MARCHF6: variants seen among roughly 807,000 people sequenced by gnomAD.
The protein encoded by MARCHF6 is membrane associated ring-CH-type finger 6, also known as E3 ubiquitin-protein ligase MARCHF6.
In MARCHF6, 31 loss-of-function variants were observed where a neutral mutation model predicts 133.7. That is an observed-to-expected ratio of 0.23 (90% CI 0.17 to 0.31). MARCHF6 has a LOEUF of 0.31. Among genes scored for constraint, MARCHF6 ranks in the 10% least tolerant of loss-of-function variants. The pLI is 1.00. For synonymous variants in MARCHF6, 395 were observed against 402.5 expected (o/e 0.98, Z 0.22); for missense variants, 723 against 1,121.6 (o/e 0.64, Z 5.08).
chr5:10,400,344 A>G (rs1738450154), intron 10 of MARCHF6, among the ~76,000 whole-genome samples: 1 of 152,208 alleles, frequency 6.6e-6, no homozygotes, highest in Non-Finnish European at 1.5e-5. Context: ...TTTTCAGAAT[A>G]AGGAATTGGT....
intron 1 of MARCHF6, among the ~76,000 whole-genome samples, chr5:10,369,410 A>G (rs1029385702): frequency 2.0e-5 from 3 of 152,180 alleles, no homozygotes; most frequent in African/African-American, 7.2e-5. Context: ...TATGTTTTTC[A>G]TGTCATCCTT....
chr5:10,397,361 C>CTTT lies in MARCHF6; in HGVS notation c.913+26_913+28dup. On this transcript the variant is annotated intron_variant, in intron 10 of 25. Coordinates refer to ENST00000274140, the MANE Select transcript of MARCHF6 (RefSeq NM_005885.4). ...TTGTTTTTGGTAAGTTGTGTTTGTG[C>CTTT]TTTTTTTTTTTATAGTATTATGGTA... 4.0e-6 allele frequency: 5 copies of CTTT among 1,236,434 alleles called. No homozygotes were observed. Among genetic ancestry groups the CTTT allele is most frequent in the Admixed American group, 2.6e-5 (1 of 38,828 alleles). The allele number at this position is 1,236,434 out of a possible 1,614,324, so 76.6% of individuals were successfully genotyped here.
chr5:10,367,246 G>A (rs1281228966), intron 1 of MARCHF6, among the ~76,000 whole-genome samples: 1 of 152,056 alleles, frequency 6.6e-6, no homozygotes, highest in Non-Finnish European at 1.5e-5. Flanking sequence ...AGGGACGTTA[G>A]GTAAAGACTA....
intron 6 of MARCHF6, 106 bp from the exon 7 acceptor site, chr5:10,391,436 G>GGTTT: frequency 3.3e-6 from 1 of 305,592 alleles, no homozygotes; most frequent in Non-Finnish European, 5.5e-6. Flanking sequence ...CCTGGCCTAG[G>GGTTT]TTTTTTTTTT....
At chr5:10,369,683 A>T (rs1055090960) in intron 1 of MARCHF6, among the ~76,000 whole-genome samples, 4 of 131,176 alleles carry the variant, frequency 3.0e-5, no homozygotes, top group African/African-American at 1.2e-4. Flanking sequence ...GCAACTACTG[A>T]TCTGTTTCTG....
At chr5:10,386,948 C>A in intron 4 of MARCHF6, 46 bp from the exon 5 acceptor site, 1 of 1,446,984 alleles carries the variant, frequency 6.9e-7, no homozygotes, top group Non-Finnish European at 9.7e-7. Context: ...TATGTGAATT[C>A]ATGATGCGAG....
intron 1 of MARCHF6, among the ~76,000 whole-genome samples, chr5:10,355,650 T>C (rs1735410619): frequency 6.6e-6 from 1 of 152,272 alleles, no homozygotes; most frequent in Non-Finnish European, 1.5e-5. Context: ...ACTCAACGTG[T>C]AGTATGTGCT....
chr5:10,372,055 T>G (rs1177126888), intron 1 of MARCHF6, among the ~76,000 whole-genome samples: 2 of 150,700 alleles, frequency 1.3e-5, no homozygotes, highest in Admixed American at 1.3e-4. Flanking sequence ...TTGCTGCCAA[T>G]GTGAGTAGGC....
chr5:10,385,797 A>C (rs1737431335), intron 4 of MARCHF6, among the ~76,000 whole-genome samples: 1 of 152,254 alleles, frequency 6.6e-6, no homozygotes, highest in Admixed American at 6.5e-5. Context: ...ATTCACAGTC[A>C]TAGTGAAAGA....
chr5:10,402,486 T>G (rs750942565), intron 13 of MARCHF6, 34 bp downstream of exon 13: 3 of 1,612,652 alleles, frequency 1.9e-6, no homozygotes, highest in South Asian at 1.1e-5. Flanking sequence ...TTGGAAATGA[T>G]TTCTCCTACA....
rs139229145 is a variant in MARCHF6 at position 10,391,706 on chromosome 5, G to A, written c.741G>A (p.Ala247=). The A allele has an allele frequency of 5.1e-5, 80 of 1,578,580 alleles. No homozygotes were observed. The highest frequency in any genetic ancestry group is 3.4e-4 in the Middle Eastern group (2 of 5,810). Reference sequence around the variant, plus strand: ...AAGATGACGCTGGTGTGGAGGATGCGGCAGATGCTAATAACGGAGCCCAGG... The same window carrying A: ...AAGATGACGCTGGTGTGGAGGATGCAGCAGATGCTAATAACGGAGCCCAGG... ...EEEDDAGVED[A]ADANNGAQDD... is the part of the protein sequence containing the mutation. Residue 247 remains alanine, a synonymous_variant, in exon 7 of 26, where the codon GCG becomes GCA. Coordinates refer to ENST00000274140, the MANE Select transcript of MARCHF6 (RefSeq NM_005885.4).
chr5:10,390,075 C>G (rs1432615982), intron 5 of MARCHF6, among the ~76,000 whole-genome samples: 4 of 152,056 alleles, frequency 2.6e-5, no homozygotes, highest in African/African-American at 9.7e-5. Context: ...CCATATAGTT[C>G]TGATGGTATT....
chr5:10,433,724 C>T lies in MARCHF6; in HGVS notation c.*40C>T, dbSNP rs374571506. ...CAACTTGACCTTCCCCTTTACATGT[C>T]CTTTTTTGTGGACTTCTCTCTTTGG... is the stretch of plus-strand genomic sequence containing the variant. On this transcript the variant is annotated 3_prime_UTR_variant, in exon 26 of 26. Transcript: ENST00000274140. 26 of 1,526,536 alleles carry T rather than the reference C, an allele frequency of 1.7e-5. No homozygotes were observed. In the African/African-American group the frequency reaches 3.3e-4, roughly 19 times the overall value. The allele number at this position is 1,526,536 out of a possible 1,614,324, so 94.6% of individuals were successfully genotyped here. A position where few individuals can be genotyped will look rare whatever the true frequency, so the allele number is the denominator to read the frequency against.
intron 24 of MARCHF6, 92 bp from the exon 25 acceptor site, chr5:10,429,801 C>G (rs1740278145): frequency 9.5e-7 from 1 of 1,052,484 alleles, no homozygotes; most frequent in East Asian, 2.4e-5. Flanking sequence ...GCTTGTCTGC[C>G]CCAGTCCATT....
At chr5:10,382,163 A>G (rs1186107222) in intron 4 of MARCHF6, among the ~76,000 whole-genome samples, 1 of 152,234 alleles carries the variant, frequency 6.6e-6, no homozygotes, top group Non-Finnish European at 1.5e-5. Context: ...CACAGCATAC[A>G]GAATGGCTAA....
At chr5:10,373,963 A>G (rs1736614564) in intron 1 of MARCHF6, among the ~76,000 whole-genome samples, 1 of 152,124 alleles carries the variant, frequency 6.6e-6, no homozygotes, top group Non-Finnish European at 1.5e-5. Flanking sequence ...TAGGTAACCT[A>G]GATCAATCAC....
chr5:10,404,527 A>G (rs1738765265), intron 15 of MARCHF6, among the ~76,000 whole-genome samples: 1 of 152,222 alleles, frequency 6.6e-6, no homozygotes, highest in South Asian at 2.1e-4. Flanking sequence ...CTGGGGTTTC[A>G]GTGAGAAACA....
rs1740559252 is a variant in MARCHF6 at position 10,435,404 on chromosome 5, GAAA to G, written c.*1721_*1723del. Reference sequence around the variant, plus strand: ...GAAAAAAAAAAAAAAATCAGTATCAGAAATAATGCTTGACATAGGATTCAGTGT... The same window carrying G: ...GAAAAAAAAAAAAAAATCAGTATCAGTAATGCTTGACATAGGATTCAGTGT... On this transcript the variant is annotated 3_prime_UTR_variant, in exon 26 of 26. Coordinates refer to ENST00000274140, the MANE Select transcript of MARCHF6 (RefSeq NM_005885.4). 6.7e-6 allele frequency: 1 copy of G among 150,172 alleles called. No homozygotes were observed. Among genetic ancestry groups the G allele is most frequent in the Non-Finnish European group, 1.5e-5 (1 of 67,646 alleles). The allele number at this position is 150,172 out of a possible 1,614,324, so 9.3% of individuals were successfully genotyped here.
At chr5:10,412,312 T>A (rs1185716610) in intron 19 of MARCHF6, among the ~76,000 whole-genome samples, 2 of 152,198 alleles carry the variant, frequency 1.3e-5, no homozygotes, top group Non-Finnish European at 2.9e-5. Context: ...GAGCTTACAG[T>A]CTACTCAGAT....
Sources: gnomAD v4.1 joint callset for allele counts (sites outside exome capture counted in the v4.1 genomes callset) on GRCh38, gnomAD v4.1.1 for gene constraint, MANE v1.5 for transcripts, NCBI Gene and HGNC (gene_info 2026-07-23, HGNC 2026-07-21) for gene names.